ZNF433: variants seen among roughly 807,000 people sequenced by gnomAD.
ZNF433 encodes zinc finger protein 433.
ZNF433 carries 12 observed loss-of-function variants against 10.6 expected under a neutral mutation model. The ratio of observed to expected loss-of-function variants is 1.13; its 90% CI spans 0.72 to 1.83. ZNF433 has a LOEUF of 1.83. ZNF433 is among the 40% of genes most tolerant of loss of function. The pLI, the probability that ZNF433 is intolerant of heterozygous loss-of-function variation, is 0.00. For missense variants in ZNF433, 737 were observed against 798.0 expected (o/e 0.92, Z 0.92); for synonymous variants, 272 against 271.3 (o/e 1.00, Z -0.02).
In ZNF433 at chr19:12,015,871, G is replaced by C; in HGVS notation, c.987C>G (p.His329Gln). Residue 329 changes from histidine to glutamine, a missense_variant, in exon 4 of 4, where the codon CAC becomes CAG. Transcript: ENST00000550507. The stretch of plus-strand genomic sequence containing the variant: ...TACATTCATAGGGTTTTTTCCTAGA[G>C]TGGGTTCTTTCATGTCTGCGAACAG... ...PSSVRRHERT[H>Q]SRKKPYECKH... is the part of the protein sequence containing the mutation. 1.2e-6 allele frequency: 2 copies of C among 1,613,716 alleles called. No homozygotes were observed. Among genetic ancestry groups the C allele is most frequent in the Admixed American group, 3.3e-5 (2 of 59,934 alleles).
intron 2 of ZNF433, 66 bp from the exon 3 acceptor site, chr19:12,018,002 T>C: frequency 7.4e-7 from 1 of 1,343,554 alleles, no homozygotes; most frequent in Non-Finnish European, 1.0e-6. Context: ...TACATGATTC[T>C]ATGTTCATGG....
rs1879375616 is a variant in ZNF433 at position 12,015,336 on chromosome 19, A to G, written c.1522T>C (p.Cys508Arg). The G allele has an allele frequency of 1.9e-6, 3 of 1,613,848 alleles. No homozygotes were observed. Among genetic ancestry groups the G allele is most frequent in the Middle Eastern group, 1.6e-4 (1 of 6,084 alleles). Reference protein sequence around the residue: ...TGGKTYECKQCGRSFNCSSSF... With the variant: ...TGGKTYECKQRGRSFNCSSSF... ...CTCGAACAGTTGAAGGATCTGCCACACTGCTTGCATTCATAGGTTTTTCCT... is the reference window on the plus strand; with the variant it reads ...CTCGAACAGTTGAAGGATCTGCCACGCTGCTTGCATTCATAGGTTTTTCCT... Residue 508 changes from cysteine to arginine, a missense_variant, in exon 4 of 4, where the codon TGT becomes CGT. Physicochemically the swap from Cys to Arg is radical, Grantham distance 180 (BLOSUM62 -3). Coordinates refer to ENST00000550507, the MANE Select transcript of ZNF433 (RefSeq NM_001308348.2).
chr19:12,014,894 G>T lies in ZNF433; in HGVS notation c.1964C>A (p.Ser655Tyr), dbSNP rs778398857. Residue 655 changes from serine to tyrosine, a missense_variant, in exon 4 of 4, where the codon TCT (serine) becomes TAT (tyrosine). By Grantham distance (144) the Ser-to-Tyr change is moderately radical. Transcript: ENST00000550507. ...CNQCGKVFRC[S>Y]SQLQVHGRAH... is the part of the protein sequence containing the mutation. ...CCTTCCATGCACTTGAAGTTGTGAA[G>T]AACATCTAAAGACTTTACCACATTG... 6.2e-7 allele frequency: 1 copy of T among 1,611,478 alleles called. No homozygotes were observed. Among genetic ancestry groups the T allele is most frequent in the African/African-American group, 1.3e-5 (1 of 74,872 alleles).
At position 12,016,078 on chromosome 19, in the gene ZNF433, G is replaced by A. The variant is rs766093999; in HGVS notation, c.780C>T (p.Phe260=). 11 of 1,613,908 alleles carry A rather than the reference G, an allele frequency of 6.8e-6. No homozygotes were observed. In the South Asian group the frequency reaches 1.2e-4, roughly 18 times the overall value. ...GAGCATGAAGGCATGTGGAACTATGGAATGCTTTCCCACATTCATTACATT... is the reference window on the plus strand; with the variant it reads ...GAGCATGAAGGCATGTGGAACTATGAAATGCTTTCCCACATTCATTACATT... ...PYKCNECGKA[F]HSSTCLHAHK... The change falls in exon 4 of 4, where the codon TTC becomes TTT. Residue 260 remains phenylalanine (F), a synonymous_variant. Coordinates refer to ENST00000550507, the MANE Select transcript of ZNF433 (RefSeq NM_001308348.2).
chr19:12,016,328 A>C lies in ZNF433; in HGVS notation c.530T>G (p.Ile177Ser). The change falls in exon 4 of 4, where the codon ATT becomes AGT. Residue 177 changes from isoleucine (I) to serine (S), a missense_variant. Coordinates refer to ENST00000550507, the MANE Select transcript of ZNF433 (RefSeq NM_001308348.2). ...YVCEECGKTF[I>S]SHSNLQRHRI... The stretch of plus-strand genomic sequence containing the variant: ...GTGTCTTTGAAGGTTTGAATGGGAA[A>C]TAAATGTTTTTCCGCATTCCTCACA... 6.2e-7 allele frequency: 1 copy of C among 1,614,208 alleles called. No homozygotes were observed. Among genetic ancestry groups the C allele is most frequent in the Non-Finnish European group, 8.5e-7 (1 of 1,180,032 alleles).
chr19:12,030,078 T>C (rs573586047), intron 1 of ZNF433: 334 of 292,910 alleles, frequency 1.1e-3, no homozygotes, highest in Non-Finnish European at 1.8e-3. Flanking sequence ...CAAGACTCCA[T>C]CTCAAAAAAA....
chr19:12,023,931 T>G (rs1042867209), intron 1 of ZNF433: 5 of 152,130 alleles, frequency 3.3e-5, no homozygotes, highest in South Asian at 2.1e-4. Context: ...AAGGAACTGC[T>G]CCAAGCAGAA....
chr19:12,035,458 C>G, intron 1 of ZNF433, 79 bp downstream of exon 1: 1 of 1,541,652 alleles, frequency 6.5e-7, no homozygotes, highest in Non-Finnish European at 8.8e-7. Context: ...GCGGGGAGGC[C>G]CGGGTCCCAC....
intron 1 of ZNF433, 33 bp from the exon 2 acceptor site, chr19:12,018,325 A>G: frequency 6.3e-7 from 1 of 1,596,648 alleles, no homozygotes; most frequent in Non-Finnish European, 8.5e-7. Context: ...AGGAGGATGG[A>G]TAAGACTAAC....
At chr19:12,028,671 G>A (rs1026356068) in intron 1 of ZNF433, among the ~76,000 whole-genome samples, 10 of 152,176 alleles carry the variant, frequency 6.6e-5, no homozygotes, top group Admixed American at 2.6e-4. Flanking sequence ...TTGTATTACA[G>A]TTAATTTTCT....
chr19:12,035,205 A>C (rs1437000923), intron 1 of ZNF433, among the ~76,000 whole-genome samples: 1 of 151,858 alleles, frequency 6.6e-6, no homozygotes, highest in African/African-American at 2.4e-5. Flanking sequence ...TCCTACACAA[A>C]CCCCCACACC....
Position 12,018,286 on chromosome 19 carries a change from C to G in ZNF433, c.10G>C (p.Val4Leu). 6.2e-7 allele frequency: 1 copy of G among 1,613,338 alleles called. No homozygotes were observed. The highest frequency in any genetic ancestry group is 8.5e-7 in the Non-Finnish European group (1 of 1,179,742). Residue 4 changes from valine to leucine, a missense_variant, in exon 2 of 4, where the codon GTG (valine) becomes CTG (leucine). Transcript: ENST00000550507. MDSVAFEDVAVTFT... is the reference protein window; with the variant it reads MDSLAFEDVAVTFT... ...GTCACAGCCACATCCTCAAAGGCCACTGAATCCTGAAACATCTCACATGTA... is the reference window on the plus strand; with the variant it reads ...GTCACAGCCACATCCTCAAAGGCCAGTGAATCCTGAAACATCTCACATGTA...
intron 1 of ZNF433, chr19:12,026,695 C>A (rs780182640): frequency 6.8e-5 from 31 of 454,038 alleles, no homozygotes; most frequent in South Asian, 4.8e-4. Flanking sequence ...AAAAAATGAA[C>A]GTACTTGTTT....
intron 3 of ZNF433, among the ~76,000 whole-genome samples, chr19:12,017,473 G>A (rs1196969468): frequency 7.2e-5 from 11 of 152,198 alleles, no homozygotes. Flanking sequence ...AAAGTGCTGG[G>A]ATTACAGGCG....
chr19:12,026,397 A>G, intron 1 of ZNF433: 1 of 299,392 alleles, frequency 3.3e-6, no homozygotes, highest in Non-Finnish European at 6.5e-6. Flanking sequence ...GCAGAGAAAA[A>G]CCTGAGAAAA....
chr19:12,029,413 C>T (rs1465070344), intron 1 of ZNF433, among the ~76,000 whole-genome samples: 7 of 147,864 alleles, frequency 4.7e-5, no homozygotes, highest in Admixed American at 3.5e-4. Flanking sequence ...CCCAGCTACT[C>T]GGGAGGCTGA....
At chr19:12,032,283 ACTTT>A in intron 1 of ZNF433, among the ~76,000 whole-genome samples, 1 of 152,024 alleles carries the variant, frequency 6.6e-6, no homozygotes, top group East Asian at 1.9e-4. Context: ...AATCTACCAT[ACTTT>A]CTTGTGGAAA....
chr19:12,020,897 C>G (rs577101109), intron 1 of ZNF433, among the ~76,000 whole-genome samples: 1 of 146,238 alleles, frequency 6.8e-6, no homozygotes, highest in African/African-American at 2.7e-5. Context: ...GAGCGAGACT[C>G]TGTCTCAAAA....
At chr19:12,017,997 G>T in intron 2 of ZNF433, 61 bp from the exon 3 acceptor site, 3 of 1,358,878 alleles carry the variant, frequency 2.2e-6, no homozygotes, top group Non-Finnish European at 2.0e-6. Flanking sequence ...AAAATTACAT[G>T]ATTCTATGTT....
Sources: allele counts gnomAD v4.1 joint callset (sites outside exome capture counted in the v4.1 genomes callset), GRCh38; gene constraint gnomAD v4.1.1; transcripts MANE v1.5; gene names NCBI Gene and HGNC (gene_info 2026-07-23, HGNC 2026-07-21).